ADAMTS2: variants seen among roughly 807,000 people sequenced by gnomAD.
ADAMTS2 encodes A disintegrin and metalloproteinase with thrombospondin motifs 2.
ADAMTS2 carries 50 observed loss-of-function variants against 123.0 expected under a neutral mutation model. The ratio of observed to expected loss-of-function variants is 0.41; its 90% CI spans 0.32 to 0.51. The LOEUF (loss-of-function observed/expected upper bound fraction) is 0.51. Among genes scored for constraint, ADAMTS2 ranks in the 20% least tolerant of loss-of-function variants. The probability of loss-of-function intolerance (pLI) is 0.35; values close to 1 mark genes in which losing one functional copy is unlikely to be tolerated. For missense variants in ADAMTS2, 1,494 were observed against 1,705.2 expected, an observed-to-expected ratio of 0.88 and a Z score of 2.18; for synonymous variants, 678 against 695.4, an observed-to-expected ratio of 0.98 and a Z score of 0.39.
intron 20 of ADAMTS2, 22 bp from the exon 21 acceptor site, chr5:179,121,772 TGCGGCCGCAGG>T: frequency 6.6e-7 from 1 of 1,512,390 alleles, no homozygotes; most frequent in Non-Finnish European, 8.9e-7. Context: ...AGAGAGGGGC[TGCGGCCGCAGG>T]GCACCAGGCT....
intron 2 of ADAMTS2, among the ~76,000 whole-genome samples, chr5:179,310,125 G>A (rs974754848): frequency 2.6e-5 from 4 of 152,344 alleles, no homozygotes; most frequent in South Asian, 2.1e-4. Context: ...AGACCACCCC[G>A]GACTACGCCT....
intron 2 of ADAMTS2, among the ~76,000 whole-genome samples, chr5:179,279,669 G>A (rs1220871489): frequency 6.6e-6 from 1 of 152,218 alleles, no homozygotes; most frequent in Non-Finnish European, 1.5e-5. Flanking sequence ...GAAGGGGGCT[G>A]GACCCCTCAC....
rs545594607 is a variant in ADAMTS2, at chr5:179,133,735, T to C, written c.2086-835A>G. The stretch of plus-strand genomic sequence containing the variant: ...AAATATTTAACCTATTCTTTTTTTT[T>C]TTTTGAGACAGTCTCGCTCTGTCGC... On this transcript the variant is annotated intron_variant, in intron 13 of 21. Coordinates refer to ENST00000251582, the MANE Select transcript of ADAMTS2 (RefSeq NM_014244.5). 5.3e-5 allele frequency among the ~76,000 whole-genome samples: 8 copies of C among 152,170 alleles called. No homozygotes were observed. In the East Asian group the frequency reaches 1.5e-3, roughly 29 times the overall value.
In ADAMTS2 at chr5:179,130,149, C is replaced by G; in HGVS notation, c.2291-51G>C. On this transcript the variant is annotated intron_variant, in intron 15 of 21. Transcript: ENST00000251582. This position sits in a 1 kb window ranked among gnomAD's most constrained non-coding sequence, Gnocchi z 4.3. The stretch of plus-strand genomic sequence containing the variant: ...CGTTGTGGTCACCCAAGAGCAGGAC[C>G]CAGGCCCACTGGTTTGGGCTGGTCG... 5 of 1,611,586 alleles carry G rather than the reference C, an allele frequency of 3.1e-6. No homozygotes were observed. The highest frequency in any genetic ancestry group is 4.2e-6 in the Non-Finnish European group (5 of 1,178,772).
At chr5:179,134,960 C>T (rs1376364422) in intron 13 of ADAMTS2, among the ~76,000 whole-genome samples, 16 of 142,532 alleles carry the variant, frequency 1.1e-4, no homozygotes, top group Admixed American at 2.8e-4. Context: ...CTCCAGCTCC[C>T]GGCTCCAGCC....
chr5:179,309,807 C>T (rs1238331154), intron 2 of ADAMTS2, among the ~76,000 whole-genome samples: 12 of 149,502 alleles, frequency 8.0e-5, no homozygotes, highest in South Asian at 4.3e-4. Flanking sequence ...GCCACTTGAC[C>T]GGGTGGGTCA....
intron 2 of ADAMTS2, among the ~76,000 whole-genome samples, chr5:179,299,821 T>C (rs561611349): frequency 2.0e-5 from 3 of 152,010 alleles, no homozygotes; most frequent in African/African-American, 7.2e-5. Flanking sequence ...ATCCTTGTCA[T>C]GGCCAGCTCA....
At chr5:179,207,471 A>AGCCGG in intron 4 of ADAMTS2, 42 bp downstream of exon 4, 1 of 1,026,474 alleles carries the variant, frequency 9.7e-7, no homozygotes. Flanking sequence ...CCCCTGGTTG[A>AGCCGG]CCCTCCCCGC....
intron 4 of ADAMTS2, among the ~76,000 whole-genome samples, chr5:179,199,548 C>T (rs903494712): frequency 6.6e-6 from 1 of 152,196 alleles, no homozygotes; most frequent in African/African-American, 2.4e-5. Flanking sequence ...TCCCCAGACG[C>T]CCTGGCCAGG....
At position 179,234,109 on chromosome 5, in the gene ADAMTS2, T is replaced by TAA. The variant is rs1027905158; in HGVS notation, c.689-26396_689-26395dup. On this transcript the variant is annotated intron_variant, in intron 3 of 21. Transcript: ENST00000251582. This position sits in a 1 kb window ranked among gnomAD's most constrained non-coding sequence, Gnocchi z 4.7. ...TGCAGGTTTCCTAATGTCCTCCCAG[T>TAA]AACTCTTCCTGGCTCAGGGCAGCTG... 6.6e-6 allele frequency among the ~76,000 whole-genome samples: 1 copy of TAA among 152,118 alleles called. No individual in the cohort carries two copies. Among genetic ancestry groups the TAA allele is most frequent in the Non-Finnish European group, 1.5e-5 (1 of 67,998 alleles).
chr5:179,236,147 G>T (rs1765516607), intron 3 of ADAMTS2, among the ~76,000 whole-genome samples: 1 of 152,238 alleles, frequency 6.6e-6, no homozygotes, highest in African/African-American at 2.4e-5. Flanking sequence ...TCCCAGGCAG[G>T]GGGAAGAGCT....
intron 2 of ADAMTS2, among the ~76,000 whole-genome samples, chr5:179,313,775 C>G (rs1318053364): frequency 1.4e-4 from 4 of 28,264 alleles, no homozygotes; most frequent in African/African-American, 3.2e-4. Context: ...AGGGGACGCA[C>G]AAGCATTCAC....
chr5:179,171,660 G>C (rs1339032670), intron 5 of ADAMTS2, among the ~76,000 whole-genome samples: 1 of 152,182 alleles, frequency 6.6e-6, no homozygotes, highest in African/African-American at 2.4e-5. Context: ...TGCCTCCTGT[G>C]CTTGATCTGG....
intron 3 of ADAMTS2, among the ~76,000 whole-genome samples, chr5:179,239,378 A>G (rs1262251450): frequency 1.3e-5 from 2 of 152,216 alleles, no homozygotes; most frequent in Admixed American, 6.5e-5. Flanking sequence ...AATGGAAGGA[A>G]GGATCAGCCG....
chr5:179,247,417 G>A (rs1297053349), intron 3 of ADAMTS2, among the ~76,000 whole-genome samples: 1 of 151,858 alleles, frequency 6.6e-6, no homozygotes, highest in Non-Finnish European at 1.5e-5. Context: ...AAAAATGAGA[G>A]TTCAAGAAAG....
intron 3 of ADAMTS2, among the ~76,000 whole-genome samples, chr5:179,271,880 CG>C (rs1051357294): frequency 6.6e-6 from 1 of 152,170 alleles, no homozygotes; most frequent in African/African-American, 2.4e-5. Context: ...TATGGAGTGA[CG>C]GGAGTACCTT....
At chr5:179,161,761 CA>C (rs200206053) in intron 5 of ADAMTS2, among the ~76,000 whole-genome samples, 2,756 of 152,260 alleles carry the variant, frequency 0.018, 98 homozygotes, top group African/African-American at 0.064. Flanking sequence ...AATCATTACA[CA>C]TTGCATACAC....
At chr5:179,322,395 G>A (rs1313878679) in intron 2 of ADAMTS2, among the ~76,000 whole-genome samples, 2 of 152,154 alleles carry the variant, frequency 1.3e-5, no homozygotes, top group Non-Finnish European at 2.9e-5. Flanking sequence ...ACCCGCCCAT[G>A]GTCACACAGG....
rs1762927226 is a variant in ADAMTS2 at position 179,129,797 on chromosome 5, G to C, written c.2457+135C>G. The stretch of plus-strand genomic sequence containing the variant: ...GGCTCTGACCAAGTCGGAGCCCCTT[G>C]GTGCCAAAGGCAGGCCAAAGGGGCC... On this transcript the variant is annotated intron_variant, in intron 16 of 21. Transcript: ENST00000251582. This position sits in a 1 kb window ranked among gnomAD's most constrained non-coding sequence, Gnocchi z 4.1. The C allele has an allele frequency of 1.7e-6, 2 of 1,199,436 alleles. No individual in the cohort carries two copies. Among genetic ancestry groups the C allele is most frequent in the South Asian group, 1.4e-5 (1 of 70,116 alleles). The allele number at this position is 1,199,436 out of a possible 1,614,324, so 74.3% of individuals were successfully genotyped here.
Sources: allele counts gnomAD v4.1 joint callset (sites outside exome capture counted in the v4.1 genomes callset), GRCh38; gene constraint gnomAD v4.1.1; non-coding constraint Gnocchi (gnomAD v3.1); transcripts MANE v1.5; gene names NCBI Gene and HGNC (gene_info 2026-07-23, HGNC 2026-07-21).